Variants in WSCD2 observed in about 807,000 individuals in gnomAD.
WSCD2 encodes WSC domain sialate O sulfotransferase 2.
A neutral mutation model predicts 55.7 loss-of-function variants in WSCD2; 28 were observed. The observed-to-expected ratio is 0.50, with a 90% confidence interval of 0.37 to 0.69. The LOEUF is 0.69. WSCD2 is among the 30% of genes least tolerant of loss of function. The pLI is 0.00. For missense variants in WSCD2, 616 were observed against 762.1 expected (o/e 0.81, Z 2.26); for synonymous variants, 301 against 301.9 (o/e 1.00, Z 0.03).
At chr12:108,179,716 G>A (rs1003353775) in intron 1 of WSCD2, among the ~76,000 whole-genome samples, 1 of 152,208 alleles carries the variant, frequency 6.6e-6, no homozygotes, top group African/African-American at 2.4e-5. Flanking sequence ...TCCCTCTGGA[G>A]CCACACAGCC....
chr12:108,194,751 G>C (rs1667592782), intron 1 of WSCD2, among the ~76,000 whole-genome samples: 1 of 152,172 alleles, frequency 6.6e-6, no homozygotes, highest in African/African-American at 2.4e-5. Flanking sequence ...TGAGCTCTAT[G>C]AAAGAGGGGA....
At position 108,192,933 on chromosome 12, in the gene WSCD2, CT is replaced by C. The variant is rs112472070; in HGVS notation, c.-551-2338del. ...AATTCTGGGAGCTTATGTGCAAGGG[CT>C]TTTTTTTTTTCTGGGCATATATCTA... is the stretch of plus-strand genomic sequence containing the variant. On this transcript the variant is annotated intron_variant, in intron 1 of 8. Coordinates refer to ENST00000547525, the MANE Select transcript of WSCD2 (RefSeq NM_014653.4). Among the ~76,000 whole-genome samples, 1,091 of 146,502 alleles carry C rather than the reference CT, an allele frequency of 7.4e-3. 8 individuals are homozygous for C. Among genetic ancestry groups the C allele is most frequent in the African/African-American group, 0.019 (763 of 40,142 alleles).
intron 4 of WSCD2, among the ~76,000 whole-genome samples, chr12:108,212,204 T>G (rs969606934): frequency 1.3e-5 from 2 of 151,934 alleles, no homozygotes; most frequent in Admixed American, 6.6e-5. Flanking sequence ...ATATTATGAG[T>G]TTTTAACTTA....
intron 2 of WSCD2, 177 bp downstream of exon 2, chr12:108,196,391 A>C: frequency 3.2e-5 from 34 of 1,073,700 alleles, no homozygotes; most frequent in Middle Eastern, 3.1e-4. Context: ...ATTGAAGCTC[A>C]GAGAGATGAA....
chr12:108,143,678 C>G (rs999374502), intron 1 of WSCD2, among the ~76,000 whole-genome samples: 3 of 152,158 alleles, frequency 2.0e-5, no homozygotes, highest in Non-Finnish European at 2.9e-5. Flanking sequence ...ATAGGCCAGA[C>G]AGGGGCCCGT....
At chr12:108,212,902 G>A (rs570474974) in intron 4 of WSCD2, among the ~76,000 whole-genome samples, 8 of 152,218 alleles carry the variant, frequency 5.3e-5, no homozygotes, top group African/African-American at 1.7e-4. Context: ...CCGAATCATC[G>A]CCATGTAAGG....
rs536735559 is a variant in WSCD2, at chr12:108,248,591, A to G, written c.*248A>G. On this transcript the variant is annotated 3_prime_UTR_variant, in exon 9 of 9. Coordinates refer to ENST00000547525, the MANE Select transcript of WSCD2 (RefSeq NM_014653.4). The surrounding 1 kb of genome is among the most constrained non-coding windows in gnomAD (Gnocchi z 4.3). ...TGGGGCATCTTGTTTAGGGGGTTCT[A>G]GTTACATGGACTCTTTTCTGTCTCC... is the stretch of plus-strand genomic sequence containing the variant. 49 of 1,292,056 alleles carry G rather than the reference A, an allele frequency of 3.8e-5. No individual in the cohort carries two copies. The South Asian group carries it at 1.0e-3, about 27-fold the overall frequency. The allele number at this position is 1,292,056 out of a possible 1,614,324, so 80.0% of individuals were successfully genotyped here.
intron 1 of WSCD2, chr12:108,150,036 A>T (rs1156690239): frequency 6.6e-6 from 1 of 152,188 alleles, no homozygotes; most frequent in Non-Finnish European, 1.5e-5. Context: ...GGTAATAATA[A>T]TAATTATAAT....
At chr12:108,206,908 C>T (rs1484257606) in intron 3 of WSCD2, among the ~76,000 whole-genome samples, 1 of 152,204 alleles carries the variant, frequency 6.6e-6, no homozygotes, top group East Asian at 1.9e-4. Flanking sequence ...CATGTGCATG[C>T]AGATGAGTAA....
intron 4 of WSCD2, among the ~76,000 whole-genome samples, chr12:108,219,186 A>G (rs1391598002): frequency 6.6e-6 from 1 of 152,170 alleles, no homozygotes; most frequent in Non-Finnish European, 1.5e-5. Context: ...CCTTATGGTA[A>G]GACTTGCCCT....
intron 1 of WSCD2, among the ~76,000 whole-genome samples, chr12:108,171,493 A>G (rs1880242414): frequency 6.6e-6 from 1 of 152,254 alleles, no homozygotes; most frequent in Non-Finnish European, 1.5e-5. Flanking sequence ...CTTTGTATGA[A>G]AAAAAGAATG....
intron 1 of WSCD2, among the ~76,000 whole-genome samples, chr12:108,185,363 T>G (rs1289448002): frequency 6.6e-6 from 1 of 152,068 alleles, no homozygotes; most frequent in Non-Finnish European, 1.5e-5. Context: ...CCACTGACCT[T>G]TTTCCACCTC....
At chr12:108,161,266 A>C (rs928434823) in intron 1 of WSCD2, among the ~76,000 whole-genome samples, 1 of 152,224 alleles carries the variant, frequency 6.6e-6, no homozygotes, top group African/African-American at 2.4e-5. Context: ...TCCAAATTCA[A>C]ATGTTTAAGT....
At chr12:108,203,152 C>A (rs1330210060) in intron 2 of WSCD2, among the ~76,000 whole-genome samples, 1 of 152,234 alleles carries the variant, frequency 6.6e-6, no homozygotes, top group African/African-American at 2.4e-5. Context: ...GTAGTTAGTG[C>A]TCCCCCTACC....
intron 7 of WSCD2, among the ~76,000 whole-genome samples, chr12:108,238,664 G>T (rs1442039489): frequency 6.6e-6 from 1 of 152,212 alleles, no homozygotes; most frequent in African/African-American, 2.4e-5. Context: ...TTTTACAGAT[G>T]AGGAAAACTG....
chr12:108,173,651 T>C (rs942045279), intron 1 of WSCD2, among the ~76,000 whole-genome samples: 2 of 152,092 alleles, frequency 1.3e-5, no homozygotes, highest in African/African-American at 4.8e-5. Context: ...CTCTGCTGTT[T>C]CCAGGGGGTC....
At chr12:108,160,490 G>A (rs955298412) in intron 1 of WSCD2, among the ~76,000 whole-genome samples, 2 of 152,134 alleles carry the variant, frequency 1.3e-5, no homozygotes, top group African/African-American at 2.4e-5. Flanking sequence ...AGGGGAAGTA[G>A]GATCATCTTA....
intron 1 of WSCD2, among the ~76,000 whole-genome samples, chr12:108,166,115 C>G (rs934770740): frequency 8.5e-5 from 13 of 152,204 alleles, no homozygotes; most frequent in African/African-American, 3.1e-4. Flanking sequence ...TTGAGAAACA[C>G]TGATGTATTG....
chr12:108,158,199 G>A (rs17040252), intron 1 of WSCD2, among the ~76,000 whole-genome samples: 3,608 of 152,224 alleles, frequency 0.024, 151 homozygotes, highest in African/African-American at 0.083. Context: ...TACTGACCTC[G>A]TTTCTGGAGC....
Sources: allele counts gnomAD v4.1 joint callset (sites outside exome capture counted in the v4.1 genomes callset), GRCh38; gene constraint gnomAD v4.1.1; non-coding constraint Gnocchi (gnomAD v3.1); transcripts MANE v1.5; gene names NCBI Gene and HGNC (gene_info 2026-07-23, HGNC 2026-07-21).